PCDHGB1: variants seen among roughly 807,000 people sequenced by gnomAD.
The protein encoded by PCDHGB1 is protocadherin gamma-B1.
Under a neutral mutation model 56.6 loss-of-function variants are expected in PCDHGB1, and 34 were observed. The ratio of observed to expected loss-of-function variants is 0.60; its 90% CI spans 0.46 to 0.80. PCDHGB1 has a LOEUF of 0.80. Ranked by LOEUF, PCDHGB1 falls within the 30% of genes least tolerant of loss-of-function variation. PCDHGB1 has a pLI of 0.00. For synonymous variants in PCDHGB1, 561 were observed against 505.9 expected (o/e 1.11, Z -1.46); for missense variants, 1,278 against 1,204.6 (o/e 1.06, Z -0.90).
intron 1 of PCDHGB1, chr5:141,400,401 G>T (rs760681088): frequency 3.1e-6 from 5 of 1,613,936 alleles, no homozygotes; most frequent in Non-Finnish European, 4.2e-6. Context: ...CAGGAAAGAC[G>T]GAGTTTAATT....
intron 1 of PCDHGB1, chr5:141,414,601 T>A: frequency 6.2e-7 from 1 of 1,613,944 alleles, no homozygotes; most frequent in Non-Finnish European, 8.5e-7. Flanking sequence ...TGCCTCCATC[T>A]TCTCAGTGAC....
Position 141,404,599 on chromosome 5 carries a change from A to G in PCDHGB1, c.2409+51930A>G. 2.5e-6 allele frequency: 4 copies of G among 1,613,988 alleles called. 1 individual carries two copies. In the East Asian group the frequency reaches 8.9e-5, roughly 36 times the overall value. ...CACTTAGCAGCAATGTGTCATTGAG[A>G]CTGTTTGTTTTGGACCAGAATGACA... is the stretch of plus-strand genomic sequence containing the variant. On this transcript the variant is annotated intron_variant, in intron 1 of 3. Coordinates refer to ENST00000523390, the MANE Select transcript of PCDHGB1 (RefSeq NM_018922.3).
chr5:141,384,953 A>G, intron 1 of PCDHGB1: 1 of 1,613,944 alleles, frequency 6.2e-7, no homozygotes, highest in Non-Finnish European at 8.5e-7. Context: ...GACGGTCCTT[A>G]CAACTATGAC....
intron 1 of PCDHGB1, chr5:141,415,704 T>G: frequency 7.4e-7 from 1 of 1,344,464 alleles, no homozygotes; most frequent in Non-Finnish European, 1.0e-6. Flanking sequence ...GTGTAAATGC[T>G]AAAACACTGA....
chr5:141,439,368 A>C (rs1346879772), intron 1 of PCDHGB1, among the ~76,000 whole-genome samples: 1 of 152,192 alleles, frequency 6.6e-6, no homozygotes, highest in East Asian at 1.9e-4. Flanking sequence ...CATCAAGAAG[A>C]AATAAAAATA....
chr5:141,398,051 C>T, intron 1 of PCDHGB1: 1 of 1,512,220 alleles, frequency 6.6e-7, no homozygotes, highest in Non-Finnish European at 8.9e-7. Flanking sequence ...GTTCGGAGAT[C>T]CAAAAATCTA....
intron 1 of PCDHGB1, chr5:141,403,947 A>C (rs1451597441): frequency 6.2e-7 from 1 of 1,613,886 alleles, no homozygotes; most frequent in Admixed American, 1.7e-5. Flanking sequence ...GGGTGGACAA[A>C]AGTGCTCATT....
intron 1 of PCDHGB1, chr5:141,418,261 G>T (rs763160633): frequency 1.9e-6 from 3 of 1,613,938 alleles, no homozygotes; most frequent in Non-Finnish European, 2.5e-6. Flanking sequence ...CTCAATTCCG[G>T]AAAGATGAAA....
chr5:141,418,085 A>C lies in PCDHGB1; in HGVS notation c.2409+65416A>C, dbSNP rs1235378254. On this transcript the variant is annotated intron_variant, in intron 1 of 3. Transcript: ENST00000523390. The stretch of plus-strand genomic sequence containing the variant: ...AGTGAGCGCGGAGAAGCTGCACTTC[A>C]GCGTAGACGCGCAGAGCGGGGACTT... The C allele has an allele frequency of 2.5e-6, 4 of 1,613,936 alleles. No homozygotes were observed. The highest frequency in any genetic ancestry group is 3.4e-6 in the Non-Finnish European group (4 of 1,179,908).
Position 141,487,893 on chromosome 5 carries a change from G to A in PCDHGB1, c.2410-6914G>A. Reference sequence around the variant, plus strand: ...AGCCAGGCTGTTGTGGAAGCATGATGATGGAATGTGGGAGCACAGGAGGCT... The same window carrying A: ...AGCCAGGCTGTTGTGGAAGCATGATAATGGAATGTGGGAGCACAGGAGGCT... On this transcript the variant is annotated intron_variant, in intron 1 of 3. Coordinates refer to ENST00000523390, the MANE Select transcript of PCDHGB1 (RefSeq NM_018922.3). The surrounding 1 kb of genome is among the most constrained non-coding windows in gnomAD (Gnocchi z 5.0). The A allele has an allele frequency of 1.4e-6, 1 of 731,472 alleles. No individual in the cohort carries two copies. The highest frequency in any genetic ancestry group is 2.2e-6 in the Non-Finnish European group (1 of 450,166). 45.3% of individuals were successfully genotyped at this position (731,472 alleles called of 1,614,324 possible). A position where few individuals can be genotyped will look rare whatever the true frequency, so the allele number is the denominator to read the frequency against.
At chr5:141,375,888 C>G in intron 1 of PCDHGB1, 1 of 1,613,818 alleles carries the variant, frequency 6.2e-7, no homozygotes, top group Admixed American at 1.7e-5. Context: ...GGCCAGAACG[C>G]CTGGCTGTCC....
chr5:141,478,381 C>T (rs931860600), intron 1 of PCDHGB1: 22 of 1,613,664 alleles, frequency 1.4e-5, no homozygotes, highest in Non-Finnish European at 1.8e-5. Flanking sequence ...TGTCGCCGCA[C>T]CTTTACCATC....
At chr5:141,458,509 CTTTG>C (rs1327998402) in intron 1 of PCDHGB1, among the ~76,000 whole-genome samples, 2 of 149,986 alleles carry the variant, frequency 1.3e-5, no homozygotes. Context: ...CTGTTTGACA[CTTTG>C]TTTTTTTTTT....
Position 141,490,486 on chromosome 5 carries a change from G to A in PCDHGB1, c.2410-4321G>A, listed in dbSNP as rs1187388706. The A allele has an allele frequency of 1.2e-6, 2 of 1,614,090 alleles. No individual in the cohort carries two copies. On this transcript the variant is annotated intron_variant, in intron 1 of 3. Transcript: ENST00000523390. The surrounding 1 kb of genome is among the most constrained non-coding windows in gnomAD (Gnocchi z 5.4). ...AACCAGCCAGCCTTTGGACCGGGAG[G>A]CCACATCCCACTATATCATCGAGCT...
At chr5:141,497,020 C>T (rs138768677) in intron 2 of PCDHGB1, among the ~76,000 whole-genome samples, 8 of 152,122 alleles carry the variant, frequency 5.3e-5, no homozygotes, top group African/African-American at 1.7e-4. Flanking sequence ...GAAACCCCAT[C>T]TCGATTAAAA....
intron 1 of PCDHGB1, chr5:141,468,541 A>G (rs1407685120): frequency 6.6e-6 from 1 of 152,076 alleles, no homozygotes. Context: ...GTTTCCTGAC[A>G]TATTTAACAT....
At chr5:141,509,327 G>A (rs2099876237) in intron 3 of PCDHGB1, among the ~76,000 whole-genome samples, 1 of 152,188 alleles carries the variant, frequency 6.6e-6, no homozygotes, top group African/African-American at 2.4e-5. Flanking sequence ...AAGCTCTACT[G>A]CCAGCTGGGC....
intron 1 of PCDHGB1, chr5:141,414,071 A>C: frequency 6.2e-7 from 1 of 1,606,780 alleles, no homozygotes; most frequent in Non-Finnish European, 8.5e-7. Flanking sequence ...TTCCAACTAA[A>C]CAAATATACT....
At chr5:141,419,722 G>A (rs1194093167) in intron 1 of PCDHGB1, 2 of 1,613,306 alleles carry the variant, frequency 1.2e-6, no homozygotes, top group Admixed American at 1.7e-5. Context: ...GCCTGGGGCT[G>A]CGAACAGGCG....
Sources: gnomAD v4.1 joint callset for allele counts (sites outside exome capture counted in the v4.1 genomes callset) on GRCh38, gnomAD v4.1.1 for gene constraint, Gnocchi (gnomAD v3.1) non-coding constraint, MANE v1.5 for transcripts, NCBI Gene and HGNC (gene_info 2026-07-23, HGNC 2026-07-21) for gene names.